FARS2: variants seen among roughly 807,000 people sequenced by gnomAD.
FARS2 encodes phenylalanyl-tRNA synthetase 2, mitochondrial.
Under a neutral mutation model 46.4 loss-of-function variants are expected in FARS2, and 40 were observed. That is an observed-to-expected ratio of 0.86 (90% CI 0.67 to 1.12). The LOEUF (loss-of-function observed/expected upper bound fraction) is 1.12, where lower values mean the gene tolerates loss of function less well. Among genes scored for constraint, FARS2 ranks in the 50% most tolerant of loss-of-function variants. The pLI is 0.00. For synonymous variants in FARS2, 234 were observed against 214.9 expected, an observed-to-expected ratio of 1.09 and a Z score of -0.78; for missense variants, 513 against 567.9, an observed-to-expected ratio of 0.90 and a Z score of 0.98.
At chr6:5,326,899 A>G (rs1177074742) in intron 1 of FARS2, among the ~76,000 whole-genome samples, 1 of 152,222 alleles carries the variant, frequency 6.6e-6, no homozygotes. Flanking sequence ...AATAACTTCA[A>G]ATACTCTTCT....
At chr6:5,731,854 CT>C (rs1250743421) in intron 6 of FARS2, among the ~76,000 whole-genome samples, 1 of 152,212 alleles carries the variant, frequency 6.6e-6, no homozygotes, top group Non-Finnish European at 1.5e-5. Context: ...ACCCTTCCCC[CT>C]CTCAGTGTCC....
chr6:5,718,123 A>G (rs1181041983), intron 6 of FARS2, among the ~76,000 whole-genome samples: 1 of 152,116 alleles, frequency 6.6e-6, no homozygotes, highest in Non-Finnish European at 1.5e-5. Flanking sequence ...CATGTTGGCC[A>G]GGCTGGTCTG....
At position 5,400,305 on chromosome 6, in the gene FARS2, C is replaced by T. The variant is rs571595378; in HGVS notation, c.613-4237C>T. Among the ~76,000 whole-genome samples, 367 of 151,804 alleles carry T rather than the reference C, an allele frequency of 2.4e-3. 1 individual carries two copies. Among genetic ancestry groups the T allele is most frequent in the Non-Finnish European group, 4.3e-3 (294 of 67,914 alleles). ...TTCTTTTTCTATGGAGTTTTTGGCCCTTTGTCAACTTTTAAAAGTTTCTTT... is the reference window on the plus strand; with the variant it reads ...TTCTTTTTCTATGGAGTTTTTGGCCTTTTGTCAACTTTTAAAAGTTTCTTT... On this transcript the variant is annotated intron_variant, in intron 2 of 6. Transcript: ENST00000274680.
chr6:5,619,526 A>T (rs116627726), intron 6 of FARS2, among the ~76,000 whole-genome samples: 3 of 152,182 alleles, frequency 2.0e-5, no homozygotes, highest in African/African-American at 4.8e-5. Context: ...CCTCAACCCC[A>T]GGTCACTAAA....
chr6:5,378,214 G>T (rs148976486), intron 2 of FARS2, among the ~76,000 whole-genome samples: 1 of 151,974 alleles, frequency 6.6e-6, no homozygotes, highest in African/African-American at 2.4e-5. Flanking sequence ...TTTTAGGAGC[G>T]TAGAAGGATG....
intron 6 of FARS2, among the ~76,000 whole-genome samples, chr6:5,705,628 C>T (rs1055840152): frequency 6.6e-6 from 1 of 152,220 alleles, no homozygotes; most frequent in African/African-American, 2.4e-5. Context: ...CCAGGGGCCT[C>T]GCCTGTGGCT....
intron 6 of FARS2, among the ~76,000 whole-genome samples, chr6:5,616,010 T>TAAAAAAAAAAAAAAAAAAAAAAAA (rs11327256): frequency 3.1e-5 from 3 of 95,834 alleles, no homozygotes; most frequent in Non-Finnish European, 6.2e-5. Context: ...CCATAGCTCT[T>TAAAAAAAAAAAAAAAAAAAAAAAA]AAAAAAAAAA....
At chr6:5,711,271 A>G (rs1420470677) in intron 6 of FARS2, among the ~76,000 whole-genome samples, 1 of 146,394 alleles carries the variant, frequency 6.8e-6, no homozygotes. Flanking sequence ...GATTATACCA[A>G]TATAAATGAA....
At chr6:5,362,549 A>G (rs1758370746) in intron 1 of FARS2, among the ~76,000 whole-genome samples, 1 of 152,226 alleles carries the variant, frequency 6.6e-6, no homozygotes, top group Admixed American at 6.5e-5. Context: ...AAGGGGGTGC[A>G]GATGTCTCTT....
chr6:5,575,662 T>G (rs1175249353), intron 5 of FARS2, among the ~76,000 whole-genome samples: 1 of 152,192 alleles, frequency 6.6e-6, no homozygotes. Context: ...TCAATACAAT[T>G]TTATACATGT....
rs56783814 is a variant in FARS2 at position 5,428,854 on chromosome 6, CT to C, written c.773-2179del. Among the ~76,000 whole-genome samples, 418 of 152,076 alleles carry C rather than the reference CT, an allele frequency of 2.7e-3. 2 individuals carry two copies. The highest frequency in any genetic ancestry group is 9.5e-3 in the African/African-American group (395 of 41,480). ...CTCCAACGGCCTGCAACAAGACCAG[CT>C]TTTTTTTCCCAGTTAGAAAAAGTGT... On this transcript the variant is annotated intron_variant, in intron 3 of 6. Coordinates refer to ENST00000274680, the MANE Select transcript of FARS2 (RefSeq NM_006567.5).
At chr6:5,307,048 T>C (rs1424951271) in intron 1 of FARS2, among the ~76,000 whole-genome samples, 1 of 152,204 alleles carries the variant, frequency 6.6e-6, no homozygotes, top group Non-Finnish European at 1.5e-5. Context: ...TAATGCATAA[T>C]TTTTATGTAG....
At chr6:5,711,904 C>T (rs1407135995) in intron 6 of FARS2, among the ~76,000 whole-genome samples, 1 of 152,186 alleles carries the variant, frequency 6.6e-6, no homozygotes, top group Non-Finnish European at 1.5e-5. Context: ...GACTAACATA[C>T]TCGTGTACCA....
chr6:5,316,036 C>G (rs1403481393), intron 1 of FARS2, among the ~76,000 whole-genome samples: 1 of 152,220 alleles, frequency 6.6e-6, no homozygotes, highest in African/African-American at 2.4e-5. Flanking sequence ...TCCAGACAGC[C>G]TAACTGGCAG....
chr6:5,547,216 T>C (rs1771085300), intron 5 of FARS2, among the ~76,000 whole-genome samples: 1 of 152,204 alleles, frequency 6.6e-6, no homozygotes. Context: ...CCTCCCGAAG[T>C]GCTGGGATTA....
intron 6 of FARS2, among the ~76,000 whole-genome samples, chr6:5,655,964 A>T (rs1420556819): frequency 6.6e-6 from 1 of 152,236 alleles, no homozygotes; most frequent in Non-Finnish European, 1.5e-5. Context: ...CAGTTCTTTA[A>T]AACAGTTGGG....
chr6:5,604,529 C>T (rs73360222), intron 5 of FARS2, among the ~76,000 whole-genome samples: 8,246 of 152,162 alleles, frequency 0.054, 563 homozygotes, highest in African/African-American at 0.16. Context: ...ACCAGGCCCT[C>T]GGCGGACCCC....
chr6:5,626,075 G>T (rs1776015577), intron 6 of FARS2, among the ~76,000 whole-genome samples: 1 of 152,158 alleles, frequency 6.6e-6, no homozygotes, highest in Non-Finnish European at 1.5e-5. Flanking sequence ...ATTTAATTGG[G>T]TGTCTAGTAA....
chr6:5,589,373 A>T (rs1446430847), intron 5 of FARS2, among the ~76,000 whole-genome samples: 1 of 152,254 alleles, frequency 6.6e-6, no homozygotes, highest in Non-Finnish European at 1.5e-5. Flanking sequence ...CCTTAGTGGT[A>T]AAATTAGTAT....
Sources: allele counts gnomAD v4.1 joint callset (sites outside exome capture counted in the v4.1 genomes callset), GRCh38; gene constraint gnomAD v4.1.1; transcripts MANE v1.5; gene names NCBI Gene and HGNC (gene_info 2026-07-23, HGNC 2026-07-21).